The following UNC13C variants were observed in gnomAD, a reference collection of about 807,000 sequenced individuals.
The protein encoded by UNC13C is unc-13 homolog C.
A neutral mutation model predicts 245.4 loss-of-function variants in UNC13C; 174 were observed. That is an observed-to-expected ratio of 0.71 (90% CI 0.63 to 0.80). The LOEUF (loss-of-function observed/expected upper bound fraction) is 0.80, where lower values mean the gene tolerates loss of function less well. UNC13C is among the 30% of genes least tolerant of loss of function. The pLI, the probability that UNC13C is intolerant of heterozygous loss-of-function variation, is 0.00. For missense variants in UNC13C, 2,829 were observed against 2,602.9 expected (o/e 1.09, Z -1.89); for synonymous variants, 992 against 895.1 (o/e 1.11, Z -1.93).
chr15:53,890,977 TC>T, the UNC13C span, among the ~76,000 whole-genome samples: 1 of 152,332 alleles, frequency 6.6e-6, no homozygotes, highest in Non-Finnish European at 1.5e-5. Context: ...TTTAGATCTT[TC>T]CTGCTTTCTC....
intron 4 of UNC13C, among the ~76,000 whole-genome samples, chr15:54,181,546 T>G (rs1178130675): frequency 1.3e-5 from 2 of 152,000 alleles, no homozygotes; most frequent in Non-Finnish European, 2.9e-5. Context: ...TTTGGTTCCA[T>G]GTGAATTTTA....
chr15:53,899,720 A>G, the UNC13C span, among the ~76,000 whole-genome samples: 1 of 152,046 alleles, frequency 6.6e-6, no homozygotes, highest in Non-Finnish European at 1.5e-5. Context: ...ATGCGCCACC[A>G]TGCCTGGCTA....
intron 2 of UNC13C, among the ~76,000 whole-genome samples, chr15:54,093,128 A>G (rs763133402): frequency 6.6e-6 from 1 of 151,918 alleles, no homozygotes; most frequent in African/African-American, 2.4e-5. Context: ...ACTTCAGCTT[A>G]TATTTATGCT....
intron 4 of UNC13C, among the ~76,000 whole-genome samples, chr15:54,221,372 A>C (rs1032988157): frequency 7.9e-5 from 12 of 152,122 alleles, no homozygotes; most frequent in Admixed American, 2.6e-4. Flanking sequence ...ATATTCATTC[A>C]GTGTTGACAA....
intron 26 of UNC13C, 88 bp from the exon 27 acceptor site, chr15:54,546,634 G>A (rs555473712): frequency 1.4e-6 from 1 of 708,988 alleles, no homozygotes; most frequent in South Asian, 3.9e-5. Context: ...TTAGTAAATG[G>A]AATTTAGCAT....
intron 19 of UNC13C, among the ~76,000 whole-genome samples, chr15:54,420,390 C>A (rs1379141177): frequency 6.6e-6 from 1 of 151,808 alleles, no homozygotes; most frequent in Admixed American, 6.6e-5. Context: ...CCAAAGTGGG[C>A]AATGCAAGAG....
chr15:54,095,070 A>G (rs1286108789), intron 2 of UNC13C, among the ~76,000 whole-genome samples: 1 of 152,176 alleles, frequency 6.6e-6, no homozygotes, highest in Non-Finnish European at 1.5e-5. Context: ...TCTTCCATGG[A>G]AAATAATGCA....
intron 10 of UNC13C, 139 bp from the exon 11 acceptor site, chr15:54,293,756 T>C: frequency 1.7e-6 from 1 of 578,876 alleles, no homozygotes; most frequent in Non-Finnish European, 2.7e-6. Flanking sequence ...CAACATCCCA[T>C]GGATAGATGA....
At chr15:54,408,722 G>C (rs1368108779) in intron 18 of UNC13C, among the ~76,000 whole-genome samples, 2 of 152,056 alleles carry the variant, frequency 1.3e-5, no homozygotes, top group African/African-American at 4.8e-5. Flanking sequence ...TCAGTAGTTT[G>C]GTGTGTTTTC....
intron 4 of UNC13C, among the ~76,000 whole-genome samples, chr15:54,194,752 C>A (rs2034297127): frequency 1.3e-5 from 2 of 152,008 alleles, no homozygotes; most frequent in African/African-American, 4.8e-5. Context: ...ATTATCTGAG[C>A]CACAGATCAG....
chr15:54,374,769 G>T (rs1323304659), intron 17 of UNC13C, among the ~76,000 whole-genome samples: 1 of 152,190 alleles, frequency 6.6e-6, no homozygotes, highest in African/African-American at 2.4e-5. Context: ...GCTCTGTGGA[G>T]CATGCAGTCC....
At chr15:54,408,775 A>T (rs1025101151) in intron 18 of UNC13C, among the ~76,000 whole-genome samples, 2 of 152,318 alleles carry the variant, frequency 1.3e-5, no homozygotes, top group Admixed American at 1.3e-4. Context: ...AAATTCATTT[A>T]ATAATGTTTG....
At chr15:54,412,695 T>A (rs1334345209) in intron 18 of UNC13C, among the ~76,000 whole-genome samples, 1 of 152,238 alleles carries the variant, frequency 6.6e-6, no homozygotes, top group Non-Finnish European at 1.5e-5. Flanking sequence ...ATGCAGACAA[T>A]TTTTAGTATG....
the UNC13C span, among the ~76,000 whole-genome samples, chr15:53,863,805 C>A: frequency 1.4e-3 from 218 of 152,298 alleles, no homozygotes; most frequent in Middle Eastern, 0.02. Context: ...GCTTACTGTG[C>A]TTCTAATTTC....
intron 10 of UNC13C, among the ~76,000 whole-genome samples, chr15:54,267,825 A>G (rs2036584426): frequency 6.6e-6 from 1 of 152,094 alleles, no homozygotes; most frequent in South Asian, 2.1e-4. Context: ...ATTTGGAAAC[A>G]TTTGGTCATT....
the UNC13C span, among the ~76,000 whole-genome samples, chr15:53,873,748 T>TTGCATTTCTGACATTTGTTCTGATC: frequency 6.6e-6 from 1 of 151,626 alleles, no homozygotes; most frequent in African/African-American, 2.4e-5. Flanking sequence ...CACAACTATG[T>TTGCATTTCTGACATTTGTTCTGATC]TGCCCAGGCT....
the UNC13C span, among the ~76,000 whole-genome samples, chr15:53,909,273 C>CT: frequency 6.9e-6 from 1 of 145,856 alleles, no homozygotes; most frequent in Non-Finnish European, 1.5e-5. Flanking sequence ...CTGCACTGTG[C>CT]TTTTTTTTAA....
At chr15:54,461,045 T>A (rs1354207611) in intron 19 of UNC13C, among the ~76,000 whole-genome samples, 1 of 151,550 alleles carries the variant, frequency 6.6e-6, no homozygotes, top group African/African-American at 2.4e-5. Context: ...CCCTTAAATA[T>A]TGGTCTTCAA....
chr15:53,947,928 C>T, the UNC13C span: 7 of 152,162 alleles, frequency 4.6e-5, no homozygotes, highest in African/African-American at 9.7e-5. Context: ...TATCATGATA[C>T]ACATTGTTGA....
Sources: allele counts gnomAD v4.1 joint callset (sites outside exome capture counted in the v4.1 genomes callset), GRCh38; gene constraint gnomAD v4.1.1; transcripts MANE v1.5; gene names NCBI Gene and HGNC (gene_info 2026-07-23, HGNC 2026-07-21).